The following TMEM132D variants were observed in gnomAD, a reference collection of about 807,000 sequenced individuals.
The protein encoded by TMEM132D is transmembrane protein 132D, also known as mature OL transmembrane protein.
In TMEM132D, 21 loss-of-function variants were observed where a neutral mutation model predicts 62.3. The ratio of observed to expected loss-of-function variants is 0.34; its 90% CI spans 0.24 to 0.49. The LOEUF (loss-of-function observed/expected upper bound fraction) is 0.49. TMEM132D is among the 20% of genes least tolerant of loss of function. TMEM132D has a pLI of 0.99. For synonymous variants in TMEM132D, 621 were observed against 575.6 expected, an observed-to-expected ratio of 1.08 and a Z score of -1.13; for missense variants, 1,346 against 1,402.8, an observed-to-expected ratio of 0.96 and a Z score of 0.65.
rs1343710010 is a variant in TMEM132D, at chr12:129,700,113, G to T, written c.665C>A (p.Thr222Asn). The T allele has an allele frequency of 6.2e-7, 1 of 1,613,368 alleles. No homozygotes were observed. Among genetic ancestry groups the T allele is most frequent in the Admixed American group, 1.7e-5 (1 of 60,024 alleles). The change falls in exon 2 of 9, where the codon ACC (threonine) becomes AAC (asparagine). Residue 222 changes from threonine to asparagine, a missense_variant. By Grantham distance (65) the Thr-to-Asn change is moderately conservative. Transcript: ENST00000422113. ...RRKSVDQPEGTPVELYYTVHP... is the reference protein window; with the variant it reads ...RRKSVDQPEGNPVELYYTVHP... ...CACGGTGTAGTAGAGCTCCACGGGG[G>T]TCCCCTCCGGCTGGTCCACGGACTT... is the stretch of plus-strand genomic sequence containing the variant.
intron 4 of TMEM132D, among the ~76,000 whole-genome samples, chr12:129,297,801 A>C (rs1208822183): frequency 6.6e-6 from 1 of 152,070 alleles, no homozygotes; most frequent in Non-Finnish European, 1.5e-5. Flanking sequence ...CAGGCTGCAC[A>C]CCTGTCACAG....
chr12:129,294,475 C>A (rs1011042), intron 4 of TMEM132D, among the ~76,000 whole-genome samples: 1 of 151,714 alleles, frequency 6.6e-6, no homozygotes, highest in Non-Finnish European at 1.5e-5. Flanking sequence ...GGCCTCTCAC[C>A]CAGTCTTTCA....
chr12:129,299,817 T>C (rs376157817), intron 4 of TMEM132D, among the ~76,000 whole-genome samples: 148 of 152,338 alleles, frequency 9.7e-4, no homozygotes, highest in South Asian at 3.5e-3. Context: ...AATATTTCTA[T>C]GAACCTTTTG....
chr12:129,281,405 CAATA>C (rs1038728042), intron 4 of TMEM132D, among the ~76,000 whole-genome samples: 13 of 148,184 alleles, frequency 8.8e-5, no homozygotes, highest in African/African-American at 2.7e-4. Flanking sequence ...TACTGTCAAT[CAATA>C]AATAAATTCT....
At chr12:129,514,700 G>C (rs1875621787) in intron 3 of TMEM132D, among the ~76,000 whole-genome samples, 1 of 152,174 alleles carries the variant, frequency 6.6e-6, no homozygotes, top group Non-Finnish European at 1.5e-5. Flanking sequence ...CTGAACAGGA[G>C]AGAACGGCTG....
In TMEM132D at chr12:129,531,050, G is replaced by C; in HGVS notation, c.1115+9C>G. Reference sequence around the variant, plus strand: ...GATCTGAATATATCGGAGGCCAGTTGGGACTCACCTGTTTTCTGAGCCAGC... The same window carrying C: ...GATCTGAATATATCGGAGGCCAGTTCGGACTCACCTGTTTTCTGAGCCAGC... On this transcript the variant is annotated intron_variant, in intron 3 of 8. Transcript: ENST00000422113. The C allele has an allele frequency of 1.2e-6, 2 of 1,607,720 alleles. No homozygotes were observed. The highest frequency in any genetic ancestry group is 8.5e-7 in the Non-Finnish European group (1 of 1,176,374).
rs114132500 is a variant in TMEM132D at position 129,743,578 on chromosome 12, C to A, written c.80-42880G>T. On this transcript the variant is annotated intron_variant, in intron 1 of 8. Coordinates refer to ENST00000422113, the MANE Select transcript of TMEM132D (RefSeq NM_133448.3). ...ATAAATTTGCCAGTTTCAGGTAGGT[C>A]TTTATTAGCAGCATGAGAATGGACT... 7.4e-3 allele frequency among the ~76,000 whole-genome samples: 1,131 copies of A among 152,220 alleles called. 16 individuals carry two copies. The highest frequency in any genetic ancestry group is 0.025 in the African/African-American group (1,057 of 41,544).
intron 1 of TMEM132D, among the ~76,000 whole-genome samples, chr12:129,897,534 C>T (rs1232883448): frequency 6.6e-6 from 1 of 151,908 alleles, no homozygotes; most frequent in South Asian, 2.1e-4. Flanking sequence ...CTTTAAGAAG[C>T]TTGACCTAGG....
At chr12:129,794,341 A>T (rs1429069533) in intron 1 of TMEM132D, among the ~76,000 whole-genome samples, 2 of 146,358 alleles carry the variant, frequency 1.4e-5, no homozygotes, top group African/African-American at 2.5e-5. Flanking sequence ...ATCTCAGGTG[A>T]TCAACCCACC....
rs996284196 is a variant in TMEM132D, at chr12:129,072,200, A to G, written c.*1675T>C. 6.6e-6 allele frequency: 1 copy of G among 152,414 alleles called. No individual in the cohort carries two copies. The highest frequency in any genetic ancestry group is 2.4e-5 in the African/African-American group (1 of 41,452). The allele number at this position is 152,414 out of a possible 1,614,324, so 9.4% of individuals were successfully genotyped here. ...TAGGTTCAAAGGAGGAGAGAGATAC[A>G]GAGACAGACACACAGAGAGACTGGA... is the stretch of plus-strand genomic sequence containing the variant. On this transcript the variant is annotated 3_prime_UTR_variant, in exon 9 of 9. Coordinates refer to ENST00000422113, the MANE Select transcript of TMEM132D (RefSeq NM_133448.3).
intron 3 of TMEM132D, among the ~76,000 whole-genome samples, chr12:129,341,105 T>C (rs144812608): frequency 6.6e-6 from 1 of 152,344 alleles, no homozygotes; most frequent in East Asian, 1.9e-4. Context: ...ATTTAGCACT[T>C]AACAGCTTTC....
chr12:129,188,685 A>ATGAT (rs1293378301), intron 5 of TMEM132D, among the ~76,000 whole-genome samples: 4 of 149,122 alleles, frequency 2.7e-5, no homozygotes, highest in African/African-American at 1.0e-4. Flanking sequence ...ATGAAACTAG[A>ATGAT]TGATTGATAG....
chr12:129,210,846 T>C (rs1221307089), intron 4 of TMEM132D: 1 of 152,218 alleles, frequency 6.6e-6, no homozygotes, highest in African/African-American at 2.4e-5. Context: ...AATCTCCTTT[T>C]TTCAGGCACA....
At chr12:129,791,990 T>C (rs1316713361) in intron 1 of TMEM132D, among the ~76,000 whole-genome samples, 1 of 152,218 alleles carries the variant, frequency 6.6e-6, no homozygotes, top group Non-Finnish European at 1.5e-5. Flanking sequence ...GTAACCCATC[T>C]TTTATTTCTC....
At chr12:129,830,101 C>T (rs1372966741) in intron 1 of TMEM132D, among the ~76,000 whole-genome samples, 1 of 152,198 alleles carries the variant, frequency 6.6e-6, no homozygotes, top group African/African-American at 2.4e-5. Flanking sequence ...CACCTGCATC[C>T]TCCAACTGCA....
intron 5 of TMEM132D, chr12:129,085,087 C>T (rs1874575606): frequency 1.3e-5 from 4 of 303,050 alleles, no homozygotes; most frequent in Non-Finnish European, 2.4e-5. Context: ...CTTCTCTGCC[C>T]AGTGACTACC....
At chr12:129,692,319 G>A (rs1254091877) in intron 2 of TMEM132D, among the ~76,000 whole-genome samples, 1 of 152,154 alleles carries the variant, frequency 6.6e-6, no homozygotes, top group Non-Finnish European at 1.5e-5. Flanking sequence ...TGCATTCACA[G>A]GCTAAAGAAG....
At chr12:129,444,141 C>CCACA (rs1873023994) in intron 3 of TMEM132D, among the ~76,000 whole-genome samples, 1 of 152,068 alleles carries the variant, frequency 6.6e-6, no homozygotes, top group South Asian at 2.1e-4. Flanking sequence ...AATGTAAAAC[C>CCACA]CACAACTATA....
chr12:129,570,030 T>A (rs1877468821), intron 2 of TMEM132D, among the ~76,000 whole-genome samples: 1 of 151,960 alleles, frequency 6.6e-6, no homozygotes, highest in Non-Finnish European at 1.5e-5. Flanking sequence ...AGAAGCCGAG[T>A]GATGGAACCA....
Sources: allele counts gnomAD v4.1 joint callset (sites outside exome capture counted in the v4.1 genomes callset), GRCh38; gene constraint gnomAD v4.1.1; transcripts MANE v1.5; gene names NCBI Gene and HGNC (gene_info 2026-07-23, HGNC 2026-07-21).